FBRSL1: variants seen among roughly 807,000 people sequenced by gnomAD.
FBRSL1 encodes fibrosin like 1, also known as fibrosin-1-like protein.
A neutral mutation model predicts 89.6 loss-of-function variants in FBRSL1; 51 were observed. The ratio of observed to expected loss-of-function variants is 0.57; its 90% CI spans 0.45 to 0.72. The LOEUF is 0.72. Ranked by LOEUF, FBRSL1 falls within the 30% of genes least tolerant of loss-of-function variation. The pLI is 0.00. For synonymous variants in FBRSL1, 779 were observed against 681.1 expected, an observed-to-expected ratio of 1.14 and a Z score of -2.24; for missense variants, 1,618 against 1,451.8, an observed-to-expected ratio of 1.11 and a Z score of -1.86.
intron 1 of FBRSL1, among the ~76,000 whole-genome samples, chr12:132,505,051 G>A (rs538227640): frequency 1.3e-5 from 2 of 152,132 alleles, no homozygotes; most frequent in African/African-American, 2.4e-5. Context: ...GCTTAAACCC[G>A]GGATGCAGAA....
At chr12:132,571,583 C>A in intron 9 of FBRSL1, 1 of 1,161,328 alleles carries the variant, frequency 8.6e-7, no homozygotes, top group Non-Finnish European at 1.1e-6. Context: ...GGACACGCAG[C>A]AGGCACACAC....
chr12:132,520,653 AGG>A (rs1218878848), intron 2 of FBRSL1, among the ~76,000 whole-genome samples: 1 of 152,194 alleles, frequency 6.6e-6, no homozygotes, highest in Non-Finnish European at 1.5e-5. Flanking sequence ...GGCTGAAGGC[AGG>A]GCGTAGCATC....
Position 132,580,705 on chromosome 12 carries a change from G to A in FBRSL1, c.1835-734G>A, listed in dbSNP as rs1418147824. 6 of 900,814 alleles carry A rather than the reference G, an allele frequency of 6.7e-6. No homozygotes were observed. In the African/African-American group the frequency reaches 9.0e-5, roughly 14 times the overall value. 55.8% of individuals were successfully genotyped at this position (900,814 alleles called of 1,614,324 possible). A position where few individuals can be genotyped will look rare whatever the true frequency, so the allele number is the denominator to read the frequency against. The stretch of plus-strand genomic sequence containing the variant: ...ACAACTTGCCGCGTCCTACATGGGA[G>A]GCATGAGCACCCCATCTTTGAGGTC... On this transcript the variant is annotated intron_variant, in intron 15 of 18. Transcript: ENST00000680143.
intron 2 of FBRSL1, chr12:132,510,492 G>A (rs1393257901): frequency 8.1e-6 from 10 of 1,231,904 alleles, no homozygotes; most frequent in Non-Finnish European, 1.0e-5. Context: ...CCACTCCAGT[G>A]TGATCTGCAC....
chr12:132,536,869 A>G (rs1391381279), intron 4 of FBRSL1, among the ~76,000 whole-genome samples: 1 of 152,246 alleles, frequency 6.6e-6, no homozygotes, highest in Non-Finnish European at 1.5e-5. Context: ...ACGTGTGTAC[A>G]TAAATGTATG....
At chr12:132,534,416 TGCGGAAGCCGAG>T (rs556017831) in intron 4 of FBRSL1, among the ~76,000 whole-genome samples, 2 of 152,366 alleles carry the variant, frequency 1.3e-5, no homozygotes, top group South Asian at 4.1e-4. Flanking sequence ...CATCTGCAGA[TGCGGAAGCCGAG>T]GCCCAGGCAT....
chr12:132,491,451 G>C lies in FBRSL1; in HGVS notation c.291+590G>C, dbSNP rs192469300. ...CCTCTTACATGAACTCAGCTGAGCA[G>C]AGAAGGAAATTAAATGCTGTCTGAG... is the stretch of plus-strand genomic sequence containing the variant. On this transcript the variant is annotated intron_variant, in intron 1 of 18. Coordinates refer to ENST00000680143, the MANE Select transcript of FBRSL1 (RefSeq NM_001367871.1). Among the ~76,000 whole-genome samples, 551 of 152,390 alleles carry C rather than the reference G, an allele frequency of 3.6e-3. 1 individual carries two copies. Among genetic ancestry groups the C allele is most frequent in the African/African-American group, 0.013 (525 of 41,598 alleles).
intron 2 of FBRSL1, among the ~76,000 whole-genome samples, chr12:132,519,638 C>A (rs555273738): frequency 6.6e-6 from 1 of 152,162 alleles, no homozygotes; most frequent in African/African-American, 2.4e-5. Context: ...TGGCTGGGCG[C>A]GGTGGCTCAC....
At chr12:132,507,831 G>A (rs919532834) in intron 1 of FBRSL1, among the ~76,000 whole-genome samples, 1 of 152,136 alleles carries the variant, frequency 6.6e-6, no homozygotes, top group Non-Finnish European at 1.5e-5. Flanking sequence ...GGTCTCAGCA[G>A]GGAGGGGCAG....
At chr12:132,557,826 C>T (rs1255711256) in intron 5 of FBRSL1, among the ~76,000 whole-genome samples, 1 of 152,240 alleles carries the variant, frequency 6.6e-6, no homozygotes, top group Non-Finnish European at 1.5e-5. Flanking sequence ...GCCTGCTGGG[C>T]AGCCGCTTCC....
In FBRSL1 at chr12:132,576,440, G is replaced by A. The variant is rs191983833; in HGVS notation, c.1702-359G>A. Among the ~76,000 whole-genome samples, 45 of 152,184 alleles carry A rather than the reference G, an allele frequency of 3.0e-4. No homozygotes were observed. The East Asian group carries it at 6.6e-3, about 22-fold the overall frequency. ...ACTCCTGACCTCAGGTGATCCGCCCGTATCAGCCTCCCAAAGTGCTGGGAT... is the reference window on the plus strand; with the variant it reads ...ACTCCTGACCTCAGGTGATCCGCCCATATCAGCCTCCCAAAGTGCTGGGAT... On this transcript the variant is annotated intron_variant, in intron 14 of 18. Coordinates refer to ENST00000680143, the MANE Select transcript of FBRSL1 (RefSeq NM_001367871.1).
intron 16 of FBRSL1, 81 bp from the exon 17 acceptor site, chr12:132,581,645 ACCAGGCCCAAAGCCT>A: frequency 6.7e-7 from 1 of 1,486,462 alleles, no homozygotes; most frequent in Non-Finnish European, 9.2e-7. Context: ...GGCAGTACCC[ACCAGGCCCAAAGCCT>A]CTACAGCAGC....
intron 4 of FBRSL1, among the ~76,000 whole-genome samples, chr12:132,531,720 G>C (rs538298761): frequency 9.2e-5 from 14 of 152,364 alleles, no homozygotes; most frequent in African/African-American, 3.1e-4. Flanking sequence ...TTGTGCACGT[G>C]TGCACCCCTT....
intron 1 of FBRSL1, among the ~76,000 whole-genome samples, chr12:132,501,116 G>T (rs1566100508): frequency 6.6e-6 from 1 of 152,184 alleles, no homozygotes. Context: ...GACTGGACTG[G>T]GTGGGGGCTA....
At position 132,567,497 on chromosome 12, in the gene FBRSL1, A is replaced by T; in HGVS notation, c.662A>T (p.Glu221Val). Reference protein sequence around the residue: ...GPDDKASVGSEKLFAPGTDKG... With the variant: ...GPDDKASVGSVKLFAPGTDKG... Reference sequence around the variant, plus strand: ...TCTCTCCAGGCATCCGTGGGCTCTGAGAAGCTCTTTGCGCCGGGAACCGAT... The same window carrying T: ...TCTCTCCAGGCATCCGTGGGCTCTGTGAAGCTCTTTGCGCCGGGAACCGAT... The change falls in exon 6 of 19, where the codon GAG becomes GTG. Residue 221 changes from glutamate to valine, a missense_variant. Glu to Val is a moderately radical substitution (Grantham distance 121). Transcript: ENST00000680143. 6.4e-7 allele frequency: 1 copy of T among 1,551,134 alleles called. No individual in the cohort carries two copies. Among genetic ancestry groups the T allele is most frequent in the Non-Finnish European group, 8.7e-7 (1 of 1,146,892 alleles).
chr12:132,501,174 T>G (rs1399039829), intron 1 of FBRSL1, among the ~76,000 whole-genome samples: 1 of 152,056 alleles, frequency 6.6e-6, no homozygotes, highest in African/African-American at 2.4e-5. Context: ...AGGTCAGAAG[T>G]GGGTCGGCCT....
chr12:132,563,721 TCGCCCC>T lies in FBRSL1; in HGVS notation c.646-3759_646-3754del, dbSNP rs1189887679. On this transcript the variant is annotated intron_variant, in intron 5 of 18. Transcript: ENST00000680143. ...ACCTACGACTGTATACCCACCCCCG[TCGCCCC>T]TGAACCCCCGAGCTCCTGTGCACCC... Among the ~76,000 whole-genome samples, 112 of 137,932 alleles carry T rather than the reference TCGCCCC, an allele frequency of 8.1e-4. 4 individuals carry two copies. The highest frequency in any genetic ancestry group is 2.8e-3 in the African/African-American group (107 of 37,680). The allele number at this position is 137,932 out of a possible 152,430, so 90.5% of individuals were successfully genotyped here. A position where few individuals can be genotyped will look rare whatever the true frequency, so the allele number is the denominator to read the frequency against.
chr12:132,570,896 C>G (rs1244770716), intron 8 of FBRSL1, among the ~76,000 whole-genome samples, 172 bp from the exon 9 acceptor site: 1 of 152,204 alleles, frequency 6.6e-6, no homozygotes, highest in Admixed American at 6.5e-5. Flanking sequence ...CAGTGGAACC[C>G]CGACCGCGAA....
chr12:132,572,504 C>T, intron 10 of FBRSL1, 23 bp from the exon 11 acceptor site: 1 of 1,535,774 alleles, frequency 6.5e-7, no homozygotes, highest in Admixed American at 2.0e-5. Context: ...GCCCCCCCTC[C>T]ATCCGCTCTC....
Sources: gnomAD v4.1 joint callset for allele counts (sites outside exome capture counted in the v4.1 genomes callset) on GRCh38, gnomAD v4.1.1 for gene constraint, MANE v1.5 for transcripts, NCBI Gene and HGNC (gene_info 2026-07-23, HGNC 2026-07-21) for gene names.